Variants in LRRC56 observed in about 807,000 individuals in gnomAD.
The protein encoded by LRRC56 is leucine-rich repeat-containing protein 56.
LRRC56 carries 41 observed loss-of-function variants against 47.8 expected under a neutral mutation model. The observed-to-expected ratio is 0.86, with a 90% CI of 0.67 to 1.11. The LOEUF (loss-of-function observed/expected upper bound fraction) is 1.11, where lower values mean the gene tolerates loss of function less well. LRRC56 is among the 50% of genes most tolerant of loss of function. LRRC56 has a pLI of 0.00. For synonymous variants in LRRC56, 387 were observed against 311.2 expected (o/e 1.24, Z -2.56); for missense variants, 759 against 704.2 (o/e 1.08, Z -0.88).
At chr11:516,721 G>T in the LRRC56 span, among the ~76,000 whole-genome samples, 2 of 152,216 alleles carry the variant, frequency 1.3e-5, no homozygotes, top group African/African-American at 4.8e-5. Context: ...GGAGGATTCT[G>T]AGCAACATAG....
upstream of LRRC56, chr11:535,655 C>G (rs1346398405): frequency 6.6e-6 from 1 of 152,052 alleles, no homozygotes; most frequent in African/African-American, 2.4e-5. Flanking sequence ...CCCGCCCCAC[C>G]CCGGTTGGCT....
the LRRC56 span, among the ~76,000 whole-genome samples, chr11:522,327 G>A: frequency 9.2e-5 from 14 of 152,004 alleles, no homozygotes; most frequent in Admixed American, 4.6e-4. Context: ...GTGCAGTGGC[G>A]CGATCTCAGC....
rs1282831320 is a variant in LRRC56 at position 554,638 on chromosome 11, C to T, written c.*362C>T. ...GGCCGAGGGGCAGGGGCTGGAGCTGCGAGTCCACCACTCCCTTGCCGGCCC... is the reference window on the plus strand; with the variant it reads ...GGCCGAGGGGCAGGGGCTGGAGCTGTGAGTCCACCACTCCCTTGCCGGCCC... On this transcript the variant is annotated 3_prime_UTR_variant, in exon 14 of 14. Transcript: ENST00000270115. The T allele has an allele frequency of 2.5e-6, 1 of 397,852 alleles. No individual in the cohort carries two copies. Among genetic ancestry groups the T allele is most frequent in the Non-Finnish European group, 4.5e-6 (1 of 222,046 alleles). 24.6% of individuals were successfully genotyped at this position (397,852 alleles called of 1,614,324 possible).
chr11:520,574 C>T, the LRRC56 span, among the ~76,000 whole-genome samples: 30 of 152,180 alleles, frequency 2.0e-4, no homozygotes, highest in Middle Eastern at 3.2e-3. Context: ...CCACCTCAGC[C>T]TCCCAAAGTC....
At chr11:520,409 C>T in the LRRC56 span, among the ~76,000 whole-genome samples, 2 of 152,124 alleles carry the variant, frequency 1.3e-5, no homozygotes, top group African/African-American at 4.8e-5. Flanking sequence ...CAACCTCCGC[C>T]TCCCGGGTTC....
At chr11:537,042 G>A (rs900201266), upstream of LRRC56, 2 of 152,276 alleles carry the variant, frequency 1.3e-5, no homozygotes, top group Non-Finnish European at 2.9e-5. Flanking sequence ...TGTGTTTCCT[G>A]GTCCTCGGGG....
upstream of LRRC56, chr11:533,958 G>A (rs753906417): frequency 1.2e-6 from 2 of 1,608,400 alleles, no homozygotes; most frequent in East Asian, 2.2e-5. Context: ...CAGGAGGACA[G>A]GGCTCAGGGA....
chr11:523,417 A>T, the LRRC56 span, among the ~76,000 whole-genome samples: 12 of 139,262 alleles, frequency 8.6e-5, no homozygotes, highest in Non-Finnish European at 1.7e-4. Context: ...CAGATCATGA[A>T]GTCAGGAGTT....
chr11:548,040 T>A (rs1378676985), intron 6 of LRRC56, among the ~76,000 whole-genome samples: 1 of 151,860 alleles, frequency 6.6e-6, no homozygotes, highest in African/African-American at 2.4e-5. Context: ...GCAGGAGAAT[T>A]GCTTGAACCT....
intron 6 of LRRC56, among the ~76,000 whole-genome samples, 196 bp downstream of exon 6, chr11:544,976 G>T (rs1851999218): frequency 6.6e-6 from 1 of 152,044 alleles, no homozygotes; most frequent in South Asian, 2.1e-4. Flanking sequence ...GGCAGGTGGG[G>T]GGAGCCTGGG....
chr11:542,625 C>T (rs987015226), intron 5 of LRRC56, among the ~76,000 whole-genome samples: 2 of 147,852 alleles, frequency 1.4e-5, no homozygotes, highest in African/African-American at 5.2e-5. Flanking sequence ...CCGCCCTCCG[C>T]CAGGTTCCTT....
Position 552,400 on chromosome 11 carries a change from T to C in LRRC56, c.1181+168T>C, listed in dbSNP as rs1489984862. ...GGGGCTACCTTGGCTGAGTCATCGC[T>C]GGTCCCAAGGCTCGTGGACCATCCC... is the stretch of plus-strand genomic sequence containing the variant. On this transcript the variant is annotated intron_variant, in intron 12 of 13. Coordinates refer to ENST00000270115, the MANE Select transcript of LRRC56 (RefSeq NM_198075.4). Among the ~76,000 whole-genome samples, 9 of 148,824 alleles carry C rather than the reference T, an allele frequency of 6.0e-5. No individual in the cohort carries two copies. In the East Asian group the frequency reaches 1.4e-3, roughly 23 times the overall value.
the LRRC56 span, among the ~76,000 whole-genome samples, chr11:522,149 C>T: frequency 2.6e-5 from 4 of 152,052 alleles, no homozygotes; most frequent in African/African-American, 7.2e-5. Context: ...GGTACGATCA[C>T]GGCTCACTGC....
chr11:549,866 G>A (rs771973665), intron 6 of LRRC56, 36 bp from the exon 7 acceptor site: 2 of 1,579,792 alleles, frequency 1.3e-6, no homozygotes, highest in East Asian at 2.2e-5. Flanking sequence ...GCACAGGGCT[G>A]GGCACATGTT....
At chr11:549,232 G>GCTC (rs1852243900) in intron 6 of LRRC56, among the ~76,000 whole-genome samples, 8 of 152,238 alleles carry the variant, frequency 5.3e-5, no homozygotes, top group East Asian at 1.9e-4. Context: ...AAGCCTGTGA[G>GCTC]CTCAGGTGGC....
At chr11:530,296 A>C in the LRRC56 span, among the ~76,000 whole-genome samples, 1 of 152,242 alleles carries the variant, frequency 6.6e-6, no homozygotes, top group Non-Finnish European at 1.5e-5. Flanking sequence ...CGCCCCCAGC[A>C]GGCAGTGACC....
upstream of LRRC56, chr11:533,456 C>T (rs2133986135): frequency 6.2e-7 from 1 of 1,613,174 alleles, no homozygotes; most frequent in East Asian, 2.2e-5. Context: ...GCCTCACCTG[C>T]CGGGTCTTGG....
At chr11:516,100 T>C in the LRRC56 span, among the ~76,000 whole-genome samples, 1 of 152,134 alleles carries the variant, frequency 6.6e-6, no homozygotes, top group Non-Finnish European at 1.5e-5. Context: ...TGAACCTTTA[T>C]AACACATCTT....
chr11:515,401 C>G, the LRRC56 span, among the ~76,000 whole-genome samples: 1 of 152,220 alleles, frequency 6.6e-6, no homozygotes, highest in Non-Finnish European at 1.5e-5. Context: ...CCTTCATTCT[C>G]ATGATGTCCA....
Sources: allele counts gnomAD v4.1 joint callset (sites outside exome capture counted in the v4.1 genomes callset), GRCh38; gene constraint gnomAD v4.1.1; transcripts MANE v1.5; gene names NCBI Gene and HGNC (gene_info 2026-07-23, HGNC 2026-07-21).